The following CEP112 variants were observed in gnomAD, a reference collection of about 807,000 sequenced individuals.
The protein encoded by CEP112 is centrosomal protein of 112 kDa.
A neutral mutation model predicts 153.0 loss-of-function variants in CEP112; 127 were observed. The ratio of observed to expected loss-of-function variants is 0.83; its 90% CI spans 0.72 to 0.96. The LOEUF (loss-of-function observed/expected upper bound fraction) is 0.96. Among genes scored for constraint, CEP112 ranks in the 40% least tolerant of loss-of-function variants. The pLI is 0.00. For synonymous variants in CEP112, 358 were observed against 374.4 expected, an observed-to-expected ratio of 0.96 and a Z score of 0.51; for missense variants, 1,089 against 1,101.2, an observed-to-expected ratio of 0.99 and a Z score of 0.16.
chr17:65,848,704 G>A (rs756227299), intron 21 of CEP112, among the ~76,000 whole-genome samples: 15 of 152,196 alleles, frequency 9.9e-5, no homozygotes, highest in Non-Finnish European at 2.2e-4. Flanking sequence ...GCAAGGGAAA[G>A]TGTAGTGTCA....
intron 19 of CEP112, among the ~76,000 whole-genome samples, chr17:65,925,305 T>G (rs1476957840): frequency 6.6e-6 from 1 of 152,180 alleles, no homozygotes; most frequent in Non-Finnish European, 1.5e-5. Context: ...GAACTGTGAG[T>G]CCATTAAACC....
At chr17:65,758,468 C>T (rs578142844) in intron 21 of CEP112, among the ~76,000 whole-genome samples, 4 of 152,262 alleles carry the variant, frequency 2.6e-5, no homozygotes, top group African/African-American at 9.6e-5. Context: ...TAATGTGCTA[C>T]CCTTTTCTTT....
chr17:66,081,883 C>A (rs1314387266), intron 8 of CEP112, among the ~76,000 whole-genome samples: 1 of 152,158 alleles, frequency 6.6e-6, no homozygotes, highest in Non-Finnish European at 1.5e-5. Context: ...CCACTGCATT[C>A]CAGCCTTGGC....
chr17:65,864,044 G>A (rs1267404926), intron 20 of CEP112, among the ~76,000 whole-genome samples: 6 of 151,802 alleles, frequency 4.0e-5, no homozygotes, highest in African/African-American at 1.5e-4. Context: ...GGGAGGCTGA[G>A]GCAGGAGAAT....
Position 65,636,198 on chromosome 17 carries a change from A to C in CEP112, c.2865-224T>G, listed in dbSNP as rs1434099990. ...CACAAGATCTTTCCTTTTAATTCAA[A>C]GCCAAATAAGTAGTTCAGTCTTTCA... On this transcript the variant is annotated intron_variant, in intron 26 of 26. Coordinates refer to ENST00000535342, the MANE Select transcript of CEP112 (RefSeq NM_001199165.4). Among the ~76,000 whole-genome samples the C allele has an allele frequency of 2.0e-5, 3 of 152,234 alleles. No homozygotes were observed. The East Asian group carries it at 5.8e-4, about 29-fold the overall frequency.
intron 24 of CEP112, among the ~76,000 whole-genome samples, chr17:65,675,935 T>G (rs2047210770): frequency 6.6e-6 from 1 of 152,176 alleles, no homozygotes; most frequent in South Asian, 2.1e-4. Flanking sequence ...GAAAATGAAC[T>G]CTTACTAAGA....
chr17:65,666,580 G>A (rs1598256772), intron 24 of CEP112, among the ~76,000 whole-genome samples: 1 of 152,326 alleles, frequency 6.6e-6, no homozygotes, highest in East Asian at 1.9e-4. Flanking sequence ...AGTAGGAATT[G>A]CAGAGAACAA....
At position 65,893,521 on chromosome 17, in the gene CEP112, A is replaced by C. The variant is rs536361974; in HGVS notation, c.2163+8631T>G. 6.6e-5 allele frequency among the ~76,000 whole-genome samples: 10 copies of C among 152,250 alleles called. No individual in the cohort carries two copies. The South Asian group carries it at 1.9e-3, about 28-fold the overall frequency. ...AAAATAATTATTAAAACAAGTGAAA[A>C]AGTATAATTTTCCTTGAATTTTAAT... is the stretch of plus-strand genomic sequence containing the variant. On this transcript the variant is annotated intron_variant, in intron 20 of 26. Transcript: ENST00000535342.
At chr17:66,108,472 T>C (rs2068879533) in intron 6 of CEP112, among the ~76,000 whole-genome samples, 1 of 152,050 alleles carries the variant, frequency 6.6e-6, no homozygotes, top group Non-Finnish European at 1.5e-5. Context: ...AGACATGTCT[T>C]AAAAGAAGAC....
At position 65,652,479 on chromosome 17, in the gene CEP112, T is replaced by C. The variant is rs2045834632; in HGVS notation, c.2698-11414A>G. ...TGACTTAATGGAGATTTTTATTATA[T>C]ATATTTCATTATATTATGTATATAG... On this transcript the variant is annotated intron_variant, in intron 24 of 26. Transcript: ENST00000535342. Among the ~76,000 whole-genome samples, 4 of 152,006 alleles carry C rather than the reference T, an allele frequency of 2.6e-5. No homozygotes were observed. In the South Asian group the frequency reaches 8.3e-4, roughly 31 times the overall value.
At chr17:65,665,080 G>A (rs922760663) in intron 24 of CEP112, among the ~76,000 whole-genome samples, 6 of 152,170 alleles carry the variant, frequency 3.9e-5, no homozygotes, top group South Asian at 2.1e-4. Context: ...CCCCATCTCC[G>A]ATACCATCAC....
At chr17:65,812,172 T>G (rs575614609) in intron 21 of CEP112, among the ~76,000 whole-genome samples, 2 of 152,014 alleles carry the variant, frequency 1.3e-5, no homozygotes, top group South Asian at 4.2e-4. Context: ...CCTGGATAAT[T>G]TTTTGTATTT....
At chr17:65,749,220 T>A (rs187584183) in intron 22 of CEP112, among the ~76,000 whole-genome samples, 83 of 152,152 alleles carry the variant, frequency 5.5e-4, no homozygotes, top group African/African-American at 2.0e-3. Context: ...AGAACTGAAA[T>A]TTTAGGCCAG....
intron 1 of CEP112, 81 bp from the exon 2 acceptor site, chr17:66,183,388 T>G: frequency 8.3e-6 from 8 of 958,340 alleles, no homozygotes; most frequent in Non-Finnish European, 1.2e-5. Context: ...TAAAAAAAAC[T>G]CTTAAGTGTT....
chr17:65,767,356 A>T (rs2053048709), intron 21 of CEP112, among the ~76,000 whole-genome samples: 2 of 152,082 alleles, frequency 1.3e-5, no homozygotes, highest in South Asian at 4.1e-4. Flanking sequence ...AAAACACAAC[A>T]TACCAAAACC....
intron 20 of CEP112, chr17:65,872,951 A>G (rs150811292): frequency 6.6e-6 from 1 of 152,312 alleles, no homozygotes; most frequent in East Asian, 1.9e-4. Flanking sequence ...TGCATGTTGT[A>G]CTTACCGAGA....
chr17:65,741,877 A>G (rs2051159064), intron 23 of CEP112, among the ~76,000 whole-genome samples: 1 of 152,150 alleles, frequency 6.6e-6, no homozygotes, highest in South Asian at 2.1e-4. Context: ...TTGTAAATGA[A>G]AAAAACTTGA....
chr17:66,061,574 A>ACG (rs2066921788), intron 11 of CEP112, among the ~76,000 whole-genome samples: 1 of 151,488 alleles, frequency 6.6e-6, no homozygotes, highest in Non-Finnish European at 1.5e-5. Context: ...ATAGATACAC[A>ACG]CACACACACA....
At chr17:65,709,249 AT>A (rs1375992447) in intron 23 of CEP112, among the ~76,000 whole-genome samples, 2 of 152,242 alleles carry the variant, frequency 1.3e-5, no homozygotes, top group African/African-American at 2.4e-5. Context: ...ATTAATAAAG[AT>A]TTGCAATATA....
Sources: allele counts gnomAD v4.1 joint callset (sites outside exome capture counted in the v4.1 genomes callset), GRCh38; gene constraint gnomAD v4.1.1; transcripts MANE v1.5; gene names NCBI Gene and HGNC (gene_info 2026-07-23, HGNC 2026-07-21).